MED13: variants seen among roughly 807,000 people sequenced by gnomAD.
MED13 encodes the protein mediator of RNA polymerase II transcription subunit 13.
A neutral mutation model predicts 225.2 loss-of-function variants in MED13; 23 were observed. That is an observed-to-expected ratio of 0.10 (90% CI 0.07 to 0.14). The LOEUF (loss-of-function observed/expected upper bound fraction) is 0.14. Among genes scored for constraint, MED13 ranks in the 10% least tolerant of loss-of-function variants. The pLI is 1.00. For synonymous variants in MED13, 942 were observed against 889.2 expected, an observed-to-expected ratio of 1.06 and a Z score of -1.06; for missense variants, 2,197 against 2,594.5, an observed-to-expected ratio of 0.85 and a Z score of 3.33.
At chr17:61,954,920 ATATT>A (rs2079929047) in intron 26 of MED13, among the ~76,000 whole-genome samples, 1 of 152,198 alleles carries the variant, frequency 6.6e-6, no homozygotes, top group Non-Finnish European at 1.5e-5. Context: ...AAAACAACAC[ATATT>A]TATTTTCTTA....
Position 61,961,654 on chromosome 17 carries a change from G to A in MED13, c.5190C>T (p.Thr1730=), listed in dbSNP as rs752385520. ...TQCRRPLPTS[T]NVKTLTGFGP... ...CAAAGCCAGTCAATGTTTTCACATT[G>A]GTTGATGTTGGAAGTGGCCTCCGAC... The change falls in exon 22 of 30, where the codon ACC becomes ACT. Residue 1730 remains threonine, a synonymous_variant. Coordinates refer to ENST00000397786, the MANE Select transcript of MED13 (RefSeq NM_005121.3). 1.2e-5 allele frequency: 19 copies of A among 1,614,050 alleles called. No individual in the cohort carries two copies. In the South Asian group the frequency reaches 1.5e-4, roughly 13 times the overall value.
chr17:61,980,657 C>T (rs938552117), intron 16 of MED13, among the ~76,000 whole-genome samples: 1 of 152,162 alleles, frequency 6.6e-6, no homozygotes, highest in Non-Finnish European at 1.5e-5. Context: ...AAGCTACCAT[C>T]ATCTTTCACC....
chr17:61,975,972 C>A (rs749874283), intron 16 of MED13, among the ~76,000 whole-genome samples: 4 of 151,928 alleles, frequency 2.6e-5, no homozygotes, highest in Middle Eastern at 3.2e-3. Flanking sequence ...GCCAAGATTG[C>A]GCCACTGCAC....
At position 61,972,862 on chromosome 17, in the gene MED13, T is replaced by C. The variant is rs769200335; in HGVS notation, c.3832A>G (p.Ile1278Val). ...TGAAGAGAGAGGAGCATTCGAAGTATATCCTGTGAGCACTGCATACTCACA... is the reference window on the plus strand; with the variant it reads ...TGAAGAGAGAGGAGCATTCGAAGTACATCCTGTGAGCACTGCATACTCACA... Reference protein sequence around the residue: ...NDVSMQCSQDILRMLLSLQPV... With the variant: ...NDVSMQCSQDVLRMLLSLQPV... Residue 1278 changes from isoleucine (I) to valine (V), a missense_variant, in exon 17 of 30, where the codon ATA (isoleucine) becomes GTA (valine). Ile to Val is a conservative substitution (Grantham distance 29, BLOSUM62 3). Transcript: ENST00000397786. 2 of 1,612,292 alleles carry C rather than the reference T, an allele frequency of 1.2e-6. No individual in the cohort carries two copies. The highest frequency in any genetic ancestry group is 1.7e-6 in the Non-Finnish European group (2 of 1,179,540).
intron 1 of MED13, among the ~76,000 whole-genome samples, chr17:62,064,260 C>T (rs2081063718): frequency 6.6e-6 from 1 of 152,188 alleles, no homozygotes; most frequent in African/African-American, 2.4e-5. Flanking sequence ...CTGTCCCATA[C>T]AGGACAAGTT....
chr17:62,018,788 C>G (rs2080608140), intron 8 of MED13, among the ~76,000 whole-genome samples: 1 of 151,648 alleles, frequency 6.6e-6, no homozygotes. Context: ...ATATGAAGGA[C>G]TTGAGCATCC....
Position 62,044,468 on chromosome 17 carries a change from C to T in MED13, c.470+8069G>A, listed in dbSNP as rs79202034. On this transcript the variant is annotated intron_variant, in intron 3 of 29. Transcript: ENST00000397786. ...TCAAAAATTTATCACTCTCTATGGA[C>T]TAAGTTTTTTACTACTAATTCCAGG... Among the ~76,000 whole-genome samples, 565 of 152,252 alleles carry T rather than the reference C, an allele frequency of 3.7e-3. 2 individuals carry two copies. Among genetic ancestry groups the T allele is most frequent in the African/African-American group, 0.012 (514 of 41,554 alleles).
Position 61,961,784 on chromosome 17 carries a change from G to A in MED13, c.5065-5C>T. 6.2e-7 allele frequency: 1 copy of A among 1,610,082 alleles called. No homozygotes were observed. Among genetic ancestry groups the A allele is most frequent in the South Asian group, 1.1e-5 (1 of 90,846 alleles). On this transcript the variant is annotated splice_polypyrimidine_tract_variant and splice_region_variant and intron_variant, in intron 21 of 29. Transcript: ENST00000397786. Reference sequence around the variant, plus strand: ...CAGGTACTGACAAGGAATAATCTAAGAAGTATAGGCAAATATTACAAATGT... The same window carrying A: ...CAGGTACTGACAAGGAATAATCTAAAAAGTATAGGCAAATATTACAAATGT...
chr17:62,029,441 C>T, intron 8 of MED13, 100 bp downstream of exon 8: 4 of 815,718 alleles, frequency 4.9e-6, no homozygotes, highest in Non-Finnish European at 7.7e-6. Flanking sequence ...AAAATCCTGA[C>T]ATATGTTCAT....
At position 61,972,758 on chromosome 17, in the gene MED13, T is replaced by C. The variant is rs759324265; in HGVS notation, c.3936A>G (p.Gln1312=). ...WGVQGPLTWQ[Q]FHKMAGRGSY... is the part of the protein sequence containing the mutation. ...AGCCTCGGCCAGCCATTTTATGAAA[T>C]TGTTGCCAAGTGAGAGGACCCTGAA... The change falls in exon 17 of 30, where the codon CAA becomes CAG. Residue 1312 remains glutamine (Q), a synonymous_variant. Coordinates refer to ENST00000397786, the MANE Select transcript of MED13 (RefSeq NM_005121.3). 9.3e-6 allele frequency: 15 copies of C among 1,611,800 alleles called. No individual in the cohort carries two copies. Among genetic ancestry groups the C allele is most frequent in the Middle Eastern group, 1.6e-4 (1 of 6,070 alleles).
At chr17:61,998,492 A>G (rs2080364493) in intron 9 of MED13, among the ~76,000 whole-genome samples, 3 of 151,988 alleles carry the variant, frequency 2.0e-5, no homozygotes. Flanking sequence ...ATTCTTCCAG[A>G]TGAGGTATGA....
chr17:61,983,259 G>T, intron 15 of MED13, 145 bp from the exon 16 acceptor site: 1 of 669,140 alleles, frequency 1.5e-6, no homozygotes, highest in Non-Finnish European at 2.4e-6. Context: ...TACAAGCACA[G>T]TCAATTCTTA....
chr17:61,974,410 A>C (rs2143417432), intron 16 of MED13, among the ~76,000 whole-genome samples: 1 of 152,314 alleles, frequency 6.6e-6, no homozygotes, highest in South Asian at 2.1e-4. Flanking sequence ...TTTCTCAAAA[A>C]TAAATAAATA....
chr17:61,961,793 G>A lies in MED13; in HGVS notation c.5065-14C>T, dbSNP rs1370307096. On this transcript the variant is annotated splice_polypyrimidine_tract_variant and intron_variant, in intron 21 of 29. Transcript: ENST00000397786. ...ACAAGGAATAATCTAAGAAGTATAGGCAAATATTACAAATGTTAAACTTCC... is the reference window on the plus strand; with the variant it reads ...ACAAGGAATAATCTAAGAAGTATAGACAAATATTACAAATGTTAAACTTCC... 6.2e-7 allele frequency: 1 copy of A among 1,604,428 alleles called. No homozygotes were observed. Among genetic ancestry groups the A allele is most frequent in the East Asian group, 2.2e-5 (1 of 44,766 alleles).
chr17:61,948,109 C>T (rs532101627), intron 28 of MED13, among the ~76,000 whole-genome samples: 1 of 152,132 alleles, frequency 6.6e-6, no homozygotes, highest in Non-Finnish European at 1.5e-5. Flanking sequence ...GTACTCTATT[C>T]CTATGATAAA....
In MED13 at chr17:61,984,249, C is replaced by T; in HGVS notation, c.2810G>A (p.Cys937Tyr). ...AACAGTCCAACTCTGACGGTAAATA[C>T]ACTCTTCTGGCAATTTGATAGGGGG... ...YLPPIKLPEECIYRQSWTVGK... is the reference protein window; with the variant it reads ...YLPPIKLPEEYIYRQSWTVGK... The change falls in exon 15 of 30, where the codon TGT becomes TAT. Residue 937 changes from cysteine (C) to tyrosine (Y), a missense_variant. Physicochemically the swap from Cys to Tyr is radical, Grantham distance 194. Around this residue, in one of 12 missense-constraint regions of MED13, gnomAD observed 160 missense variants for 184.8 expected, o/e 0.87. Coordinates refer to ENST00000397786, the MANE Select transcript of MED13 (RefSeq NM_005121.3). 2 of 1,611,404 alleles carry T rather than the reference C, an allele frequency of 1.2e-6. No homozygotes were observed. Among genetic ancestry groups the T allele is most frequent in the South Asian group, 1.1e-5 (1 of 90,618 alleles).
At chr17:61,949,530 G>C (rs536183158) in intron 28 of MED13, among the ~76,000 whole-genome samples, 1 of 152,124 alleles carries the variant, frequency 6.6e-6, no homozygotes, top group South Asian at 2.1e-4. Context: ...CCCAGCCTGA[G>C]TTTGTTGTAA....
intron 11 of MED13, among the ~76,000 whole-genome samples, chr17:61,991,312 T>C (rs964456533): frequency 6.6e-6 from 1 of 151,374 alleles, no homozygotes; most frequent in African/African-American, 2.4e-5. Flanking sequence ...AGAGACAGGG[T>C]TTCACCTTGT....
At chr17:61,951,654 C>T (rs999231069) in intron 27 of MED13, among the ~76,000 whole-genome samples, 1 of 152,066 alleles carries the variant, frequency 6.6e-6, no homozygotes, top group African/African-American at 2.4e-5. Context: ...CCTCATTATA[C>T]TTATTGAAAA....
Sources: gnomAD v4.1 joint callset for allele counts (sites outside exome capture counted in the v4.1 genomes callset) on GRCh38, gnomAD v4.1.1 for gene constraint, gnomAD v4.1.1 regional missense constraint, MANE v1.5 for transcripts, NCBI Gene and HGNC (gene_info 2026-07-23, HGNC 2026-07-21) for gene names.